ARHGAP18: variants seen among roughly 807,000 people sequenced by gnomAD.
ARHGAP18 encodes Rho GTPase activating protein 18, also known as rho GTPase-activating protein 18.
Under a neutral mutation model 86.2 loss-of-function variants are expected in ARHGAP18, and 67 were observed. The observed-to-expected ratio is 0.78, with a 90% CI of 0.64 to 0.95. ARHGAP18 has a LOEUF of 0.95. Ranked by LOEUF, ARHGAP18 falls within the 40% of genes least tolerant of loss-of-function variation. The pLI, the probability that ARHGAP18 is intolerant of heterozygous loss-of-function variation, is 0.00. For missense variants in ARHGAP18, 691 were observed against 780.4 expected (o/e 0.89, Z 1.37); for synonymous variants, 283 against 280.4 (o/e 1.01, Z -0.09).
intron 5 of ARHGAP18, among the ~76,000 whole-genome samples, chr6:129,620,872 TC>T (rs1409869827): frequency 6.6e-5 from 10 of 152,210 alleles, no homozygotes; most frequent in Non-Finnish European, 1.2e-4. Context: ...TTTTACACTC[TC>T]ATTCTCTCGT....
chr6:129,602,893 A>G (rs1458425209), intron 10 of ARHGAP18, among the ~76,000 whole-genome samples: 2 of 152,008 alleles, frequency 1.3e-5, no homozygotes, highest in African/African-American at 2.4e-5. Context: ...CTAGAGAATA[A>G]GAGAGAGAGT....
At chr6:129,583,828 G>A (rs2114427706) in intron 13 of ARHGAP18, among the ~76,000 whole-genome samples, 160 bp downstream of exon 13, 1 of 151,424 alleles carries the variant, frequency 6.6e-6, no homozygotes, top group South Asian at 2.1e-4. Context: ...GGTTAAGTCT[G>A]CTGTTCTCTT....
chr6:129,640,052 AAAAAAAAAAAAAC>A (rs1241758846), intron 2 of ARHGAP18, among the ~76,000 whole-genome samples: 2 of 151,022 alleles, frequency 1.3e-5, no homozygotes, highest in African/African-American at 4.9e-5. Context: ...CAAAAAAAAA[AAAAAAAAAAAAAC>A]AAACAAAAGT....
chr6:129,658,701 C>T (rs546722479), intron 1 of ARHGAP18, among the ~76,000 whole-genome samples: 31 of 152,268 alleles, frequency 2.0e-4, no homozygotes, highest in African/African-American at 6.7e-4. Flanking sequence ...TGATAAAGTT[C>T]TTCAGTTTGG....
rs1774559336 is a variant in ARHGAP18, at chr6:129,693,353, G to GT, written c.113+16670dup. ...AGCAGTGATGGTGGTGGTGGCAGTGGTGTTCTCAAAGCATATCTTGTTTCT... is the reference window on the plus strand; with the variant it reads ...AGCAGTGATGGTGGTGGTGGCAGTGGTTGTTCTCAAAGCATATCTTGTTTCT... On this transcript the variant is annotated intron_variant, in intron 1 of 14. Transcript: ENST00000368149. Among the ~76,000 whole-genome samples the GT allele has an allele frequency of 3.9e-5, 6 of 152,190 alleles. No homozygotes were observed. In the South Asian group the frequency reaches 1.2e-3, roughly 31 times the overall value.
At chr6:129,580,445 A>G (rs1788265003) in intron 13 of ARHGAP18, among the ~76,000 whole-genome samples, 1 of 152,228 alleles carries the variant, frequency 6.6e-6, no homozygotes, top group Non-Finnish European at 1.5e-5. Context: ...TAATATGATT[A>G]TCCACTTTGT....
At chr6:129,668,578 G>A (rs1774086334) in intron 1 of ARHGAP18, among the ~76,000 whole-genome samples, 1 of 151,908 alleles carries the variant, frequency 6.6e-6, no homozygotes, top group Non-Finnish European at 1.5e-5. Flanking sequence ...TCCATTCCTC[G>A]TCGGGTTCCT....
intron 7 of ARHGAP18, among the ~76,000 whole-genome samples, chr6:129,613,315 C>A (rs963354205): frequency 6.6e-6 from 1 of 151,682 alleles, no homozygotes; most frequent in Non-Finnish European, 1.5e-5. Flanking sequence ...TGGATAAAAT[C>A]CCATAGCAAA....
At chr6:129,698,959 C>T (rs1230842865) in intron 1 of ARHGAP18, among the ~76,000 whole-genome samples, 6 of 152,116 alleles carry the variant, frequency 3.9e-5, no homozygotes, top group Admixed American at 3.9e-4. Context: ...TCCCAAAGTG[C>T]TGGGATTACA....
chr6:129,707,650 G>GTT (rs57719259), intron 1 of ARHGAP18, among the ~76,000 whole-genome samples: 6 of 107,850 alleles, frequency 5.6e-5, no homozygotes, highest in African/African-American at 1.8e-4. Context: ...GTGGTTTCTT[G>GTT]TTTTTTTTTT....
chr6:129,606,081 A>G (rs1788848036), intron 9 of ARHGAP18, 122 bp from the exon 10 acceptor site: 1 of 851,550 alleles, frequency 1.2e-6, no homozygotes, highest in Non-Finnish European at 1.9e-6. Flanking sequence ...TGTAAGACAC[A>G]ACGACTGAGC....
intron 1 of ARHGAP18, among the ~76,000 whole-genome samples, chr6:129,708,464 A>C (rs1774839384): frequency 1.3e-5 from 2 of 152,214 alleles, no homozygotes. Context: ...CTGCAAACAC[A>C]GAATAATGAG....
chr6:129,616,167 G>T, intron 7 of ARHGAP18, 45 bp downstream of exon 7: 1 of 1,419,986 alleles, frequency 7.0e-7, no homozygotes, highest in Non-Finnish European at 9.7e-7. Flanking sequence ...ACCACTATTA[G>T]CTTAAGTATG....
chr6:129,644,983 A>G lies in ARHGAP18; in HGVS notation c.114-2965T>C, dbSNP rs528436094. 3.3e-4 allele frequency among the ~76,000 whole-genome samples: 50 copies of G among 152,310 alleles called. No individual in the cohort carries two copies. In the South Asian group the frequency reaches 0.01, roughly 32 times the overall value. Reference sequence around the variant, plus strand: ...TAACCTAAAAATACTGAGTCATGGAAAAGAGGAATTTTCTTTTTCTTTTGT... The same window carrying G: ...TAACCTAAAAATACTGAGTCATGGAGAAGAGGAATTTTCTTTTTCTTTTGT... On this transcript the variant is annotated intron_variant, in intron 1 of 14. Coordinates refer to ENST00000368149, the MANE Select transcript of ARHGAP18 (RefSeq NM_033515.3).
At position 129,629,395 on chromosome 6, in the gene ARHGAP18, C is replaced by T. The variant is rs1448160931; in HGVS notation, c.744G>A (p.Lys248=). The T allele has an allele frequency of 1.9e-6, 3 of 1,613,654 alleles. No homozygotes were observed. Among genetic ancestry groups the T allele is most frequent in the Admixed American group, 3.3e-5 (2 of 59,924 alleles). Residue 248 remains lysine (K), a synonymous_variant, in exon 5 of 15, where the codon AAG becomes AAA. Coordinates refer to ENST00000368149, the MANE Select transcript of ARHGAP18 (RefSeq NM_033515.3). ...EQALNQKESS[K]EKIQKSKGDD... ...CGCCTTTGCTCTTCTGGATTTTCTC[C>T]TTGGAGCTCTCTTTCTGATTGAGTG...
intron 5 of ARHGAP18, among the ~76,000 whole-genome samples, chr6:129,625,712 T>A (rs1789419131): frequency 1.4e-5 from 1 of 69,188 alleles, no homozygotes; most frequent in East Asian, 4.6e-4. Context: ...ATATATTATA[T>A]ATTTATATAT....
chr6:129,638,739 G>A (rs1243804797), intron 2 of ARHGAP18, 110 bp from the exon 3 acceptor site: 3 of 952,850 alleles, frequency 3.1e-6, no homozygotes, highest in East Asian at 2.6e-5. Flanking sequence ...CCAAACCACA[G>A]TGCTAAGAAT....
At chr6:129,633,659 G>A (rs1200626106) in intron 4 of ARHGAP18, among the ~76,000 whole-genome samples, 2 of 152,120 alleles carry the variant, frequency 1.3e-5, no homozygotes, top group Non-Finnish European at 2.9e-5. Context: ...TTGGCTCAGG[G>A]ACTAGCTGTG....
intron 1 of ARHGAP18, among the ~76,000 whole-genome samples, chr6:129,688,454 C>G (rs1774469819): frequency 6.6e-6 from 1 of 152,138 alleles, no homozygotes; most frequent in East Asian, 1.9e-4. Context: ...CATAAAGCAC[C>G]TGTTAACAAA....
Sources: allele counts gnomAD v4.1 joint callset (sites outside exome capture counted in the v4.1 genomes callset), GRCh38; gene constraint gnomAD v4.1.1; transcripts MANE v1.5; gene names NCBI Gene and HGNC (gene_info 2026-07-23, HGNC 2026-07-21).